DAND5: variants seen among roughly 807,000 people sequenced by gnomAD.
The protein encoded by DAND5 is DAN domain family member 5.
Under a neutral mutation model 9.2 loss-of-function variants are expected in DAND5, and 8 were observed. The ratio of observed to expected loss-of-function variants is 0.87; its 90% CI spans 0.51 to 1.56. DAND5 has a LOEUF of 1.56. Ranked by LOEUF, DAND5 falls within the 40% of genes most tolerant of loss-of-function variation. The pLI is 0.00. For missense variants in DAND5, 244 were observed against 244.7 expected, an observed-to-expected ratio of 1.00 and a Z score of 0.02; for synonymous variants, 95 against 101.1, an observed-to-expected ratio of 0.94 and a Z score of 0.36.
Position 12,973,825 on chromosome 19 carries a change from A to C in DAND5, c.*191A>C. 1.4e-6 allele frequency: 1 copy of C among 726,724 alleles called. No individual in the cohort carries two copies. The highest frequency in any genetic ancestry group is 2.2e-6 in the Non-Finnish European group (1 of 460,184). The allele number at this position is 726,724 out of a possible 1,614,324, so 45.0% of individuals were successfully genotyped here. ...GACACAGTGCCCGTCCTGGAGTTGC[A>C]CCACTGATAGTCACAGCACACAATG... On this transcript the variant is annotated 3_prime_UTR_variant, in exon 2 of 2. Coordinates refer to ENST00000317060, the MANE Select transcript of DAND5 (RefSeq NM_152654.3).
At position 12,973,403 on chromosome 19, in the gene DAND5, C is replaced by T. The variant is rs202080668; in HGVS notation, c.339C>T (p.Pro113=). The T allele has an allele frequency of 3.9e-5, 63 of 1,614,040 alleles. No homozygotes were observed. The highest frequency in any genetic ancestry group is 3.5e-4 in the Admixed American group (21 of 59,992). ...TCCGGCCCCAGGTGTTCTCCCGGCC[C>T]GGCTGCTCAGCCATACGCCTCCGAA... The part of the protein sequence containing the change: ...AVPFVQVFSR[P]GCSAIRLRNH... The change falls in exon 2 of 2, where the codon CCC becomes CCT. Residue 113 remains proline, a synonymous_variant. Transcript: ENST00000317060.
In DAND5 at chr19:12,969,791, GCCCAGGGGCCCTGCC is replaced by G; in HGVS notation, c.136_150del (p.Gly46_Pro50del). 1 of 1,595,194 alleles carries G rather than the reference GCCCAGGGGCCCTGCC, an allele frequency of 6.3e-7. No homozygotes were observed. The highest frequency in any genetic ancestry group is 1.1e-5 in the South Asian group (1 of 87,430). ...GCAGCCAATCAGACCTGGGCTCTGG[GCCCAGGGGCCCTGCC>G]CCCACTGGTGCCAGCTTCTGCCCTT... is the stretch of plus-strand genomic sequence containing the variant. On this transcript the variant is annotated inframe_deletion, in exon 1 of 2. Transcript: ENST00000317060.
chr19:12,970,155 C>T (rs1422434031), intron 1 of DAND5, among the ~76,000 whole-genome samples, 171 bp downstream of exon 1: 1 of 151,920 alleles, frequency 6.6e-6, no homozygotes, highest in Non-Finnish European at 1.5e-5. Flanking sequence ...ATCCTGGTCT[C>T]CTTGATTCCA....
At chr19:12,971,083 A>C (rs540524479) in intron 1 of DAND5, among the ~76,000 whole-genome samples, 1 of 152,240 alleles carries the variant, frequency 6.6e-6, no homozygotes, top group African/African-American at 2.4e-5. Context: ...CATAGGAGGA[A>C]CTAACATGCA....
chr19:12,971,756 A>T (rs1261373093), intron 1 of DAND5, among the ~76,000 whole-genome samples: 1 of 151,394 alleles, frequency 6.6e-6, no homozygotes, highest in Admixed American at 6.6e-5. Context: ...ATGCTCAGCT[A>T]ATTTCTGTAT....
intron 1 of DAND5, among the ~76,000 whole-genome samples, chr19:12,972,058 A>AT (rs71168643): frequency 0.023 from 2,594 of 114,182 alleles, 82 homozygotes; most frequent in African/African-American, 0.07. Flanking sequence ...CCCAGCTAAT[A>AT]TTTTTTTTTT....
In DAND5 at chr19:12,973,589, A is replaced by G; in HGVS notation, c.525A>G (p.Ile175Met). The change falls in exon 2 of 2, where the codon ATA (isoleucine) becomes ATG (methionine). Residue 175 changes from isoleucine (I) to methionine (M), a missense_variant. Coordinates refer to ENST00000317060, the MANE Select transcript of DAND5 (RefSeq NM_152654.3). ...CAGCCTCCCGTCGACGGGTGAAGAT[A>G]TCCACCATGCTGATCGAGGGGTGTC... The part of the protein sequence containing the change: ...GSSASRRRVK[I>M]STMLIEGCHC... 1 of 1,614,118 alleles carries G rather than the reference A, an allele frequency of 6.2e-7. No individual in the cohort carries two copies. The highest frequency in any genetic ancestry group is 1.7e-5 in the Admixed American group (1 of 59,996).
Position 12,973,744 on chromosome 19 carries a change from G to C in DAND5, c.*110G>C, listed in dbSNP as rs965233329. 82 of 1,513,030 alleles carry C rather than the reference G, an allele frequency of 5.4e-5. No homozygotes were observed. In the East Asian group the frequency reaches 6.4e-4, roughly 12 times the overall value. The allele number at this position is 1,513,030 out of a possible 1,614,324, so 93.7% of individuals were successfully genotyped here. ...ATGTACTCTGGGTCAAGAGACCAGG[G>C]ATGCAGGGTTAGGCAGACAGGTCCC... On this transcript the variant is annotated 3_prime_UTR_variant, in exon 2 of 2. Transcript: ENST00000317060.
At chr19:12,973,267 C>G (rs2011156029) in intron 1 of DAND5, 122 bp from the exon 2 acceptor site, 1 of 1,402,366 alleles carries the variant, frequency 7.1e-7, no homozygotes, top group African/African-American at 1.4e-5. Flanking sequence ...GGATTTGAAC[C>G]CAGGCAGCCT....
intron 1 of DAND5, among the ~76,000 whole-genome samples, chr19:12,971,961 G>A (rs2146065223): frequency 6.6e-6 from 1 of 152,036 alleles, no homozygotes; most frequent in Non-Finnish European, 1.5e-5. Flanking sequence ...TGCGATCATA[G>A]CTCACTGCAG....
intron 1 of DAND5, among the ~76,000 whole-genome samples, chr19:12,972,385 T>C (rs967327142): frequency 1.3e-5 from 2 of 151,730 alleles, no homozygotes; most frequent in African/African-American, 4.8e-5. Context: ...TTTTTTTAAT[T>C]TCTTTGTAGA....
Position 12,973,897 on chromosome 19 carries a change from C to A in DAND5, c.*263C>A. 2.5e-6 allele frequency: 1 copy of A among 399,780 alleles called. No homozygotes were observed. Among genetic ancestry groups the A allele is most frequent in the Non-Finnish European group, 4.5e-6 (1 of 220,914 alleles). The allele number at this position is 399,780 out of a possible 1,614,324, so 24.8% of individuals were successfully genotyped here. A position where few individuals can be genotyped will look rare whatever the true frequency, so the allele number is the denominator to read the frequency against. On this transcript the variant is annotated 3_prime_UTR_variant, in exon 2 of 2. Coordinates refer to ENST00000317060, the MANE Select transcript of DAND5 (RefSeq NM_152654.3). ...TTTTTTTTTGAGATGGAGTCTCGCT[C>A]TGTCGCCCAGGCTGGAGTGCAGTGG...
At chr19:12,972,918 A>C (rs370844710) in intron 1 of DAND5, among the ~76,000 whole-genome samples, 2 of 135,526 alleles carry the variant, frequency 1.5e-5, no homozygotes, top group Middle Eastern at 4.3e-3. Context: ...GCTGGAGTGC[A>C]GTGGCGCTAT....
At position 12,969,715 on chromosome 19, in the gene DAND5, A is replaced by C. The variant is rs773434053; in HGVS notation, c.55A>C (p.Thr19Pro). ...GTGCCTGCTTAGCGGGGCCCTGCCT[A>C]CAGGCTCAGGGAGGCCTGAACCCCA... ...LLCLLSGALP[T>P]GSGRPEPQSP... The change falls in exon 1 of 2, where the codon ACA becomes CCA. Residue 19 changes from threonine to proline, a missense_variant. Coordinates refer to ENST00000317060, the MANE Select transcript of DAND5 (RefSeq NM_152654.3). The C allele has an allele frequency of 5.6e-6, 9 of 1,606,332 alleles. No individual in the cohort carries two copies. The highest frequency in any genetic ancestry group is 2.7e-5 in the African/African-American group (2 of 74,730).
Position 12,973,804 on chromosome 19 carries a change from C to T in DAND5, c.*170C>T, listed in dbSNP as rs566103594. The T allele has an allele frequency of 4.5e-6, 4 of 895,076 alleles. No individual in the cohort carries two copies. The highest frequency in any genetic ancestry group is 6.6e-6 in the Non-Finnish European group (4 of 606,386). The allele number at this position is 895,076 out of a possible 1,614,324, so 55.4% of individuals were successfully genotyped here. A position where few individuals can be genotyped will look rare whatever the true frequency, so the allele number is the denominator to read the frequency against. On this transcript the variant is annotated 3_prime_UTR_variant, in exon 2 of 2. Coordinates refer to ENST00000317060, the MANE Select transcript of DAND5 (RefSeq NM_152654.3). Reference sequence around the variant, plus strand: ...CACCCTGCTCCCCAGACAGTAGACACAGTGCCCGTCCTGGAGTTGCACCAC... The same window carrying T: ...CACCCTGCTCCCCAGACAGTAGACATAGTGCCCGTCCTGGAGTTGCACCAC...
intron 1 of DAND5, among the ~76,000 whole-genome samples, chr19:12,972,338 C>T (rs1197785468): frequency 1.3e-5 from 2 of 151,970 alleles, no homozygotes; most frequent in Non-Finnish European, 2.9e-5. Flanking sequence ...GGATTATAGG[C>T]ATGAGCCACC....
At chr19:12,973,070 G>C (rs984910732) in intron 1 of DAND5, among the ~76,000 whole-genome samples, 3 of 151,308 alleles carry the variant, frequency 2.0e-5, no homozygotes, top group Non-Finnish European at 2.9e-5. Flanking sequence ...CACCGTGTTG[G>C]CCAGGATGGT....
Position 12,973,152 on chromosome 19 carries a change from G to A in DAND5, c.325-237G>A, listed in dbSNP as rs57851812. Among the ~76,000 whole-genome samples, 1,394 of 152,238 alleles carry A rather than the reference G, an allele frequency of 9.2e-3. 9 individuals carry two copies. The highest frequency in any genetic ancestry group is 0.026 in the African/African-American group (1,084 of 41,554). On this transcript the variant is annotated intron_variant, in intron 1 of 1. Coordinates refer to ENST00000317060, the MANE Select transcript of DAND5 (RefSeq NM_152654.3). ...GCTGGGATTACAGGCGTGAGCCACC[G>A]CGCCCGGCCCTTGTTGAATTTCAAT...
intron 1 of DAND5, among the ~76,000 whole-genome samples, chr19:12,973,067 T>C (rs951774132): frequency 3.3e-4 from 50 of 151,258 alleles, no homozygotes; most frequent in African/African-American, 9.5e-4. Context: ...TTTCACCGTG[T>C]TGGCCAGGAT....
Sources: gnomAD v4.1 joint callset for allele counts (sites outside exome capture counted in the v4.1 genomes callset) on GRCh38, gnomAD v4.1.1 for gene constraint, MANE v1.5 for transcripts, NCBI Gene and HGNC (gene_info 2026-07-23, HGNC 2026-07-21) for gene names.